The following FERRY3 variants were observed in gnomAD, a reference collection of about 807,000 sequenced individuals.
FERRY3 encodes the protein protein C12orf4.
At chr12:4,535,995 T>C in the FERRY3 span, 115 of 1,175,376 alleles carry the variant, frequency 9.8e-5, 1 homozygote, top group South Asian at 1.8e-3. The surrounding 1 kb of genome is among the most constrained non-coding windows in gnomAD (Gnocchi z 4.0). Flanking sequence ...TGGTGTTACT[T>C]AAAAAAAAAA....
At chr12:4,533,984 C>A in the FERRY3 span, 720 of 559,880 alleles carry the variant, frequency 1.3e-3, no homozygotes, top group Non-Finnish European at 1.6e-3. Flanking sequence ...AGCATTTTGT[C>A]TTATGTGCTC....
At chr12:4,532,519 T>C in the FERRY3 span, among the ~76,000 whole-genome samples, 1 of 152,172 alleles carries the variant, frequency 6.6e-6, no homozygotes, top group Non-Finnish European at 1.5e-5. Flanking sequence ...TAGTCATCGT[T>C]TACCTGCAAC....
At chr12:4,511,308 A>G in the FERRY3 span, among the ~76,000 whole-genome samples, 1 of 151,456 alleles carries the variant, frequency 6.6e-6, no homozygotes, top group South Asian at 2.1e-4. Context: ...TTAACACCCC[A>G]CTGTCAACAT....
At chr12:4,533,406 G>T in the FERRY3 span, among the ~76,000 whole-genome samples, 29,120 of 152,030 alleles carry the variant, frequency 0.19, 4,343 homozygotes, top group African/African-American at 0.41. Context: ...ACTCCCACAT[G>T]CTTAGAGTCA....
At chr12:4,500,113 T>C in the FERRY3 span, 1 of 1,574,620 alleles carries the variant, frequency 6.4e-7, no homozygotes, top group Non-Finnish European at 8.7e-7. Context: ...AATCATAAAA[T>C]TACAGGATTT....
chr12:4,524,796 T>C, the FERRY3 span: 1 of 152,552 alleles, frequency 6.6e-6, no homozygotes, highest in Admixed American at 6.5e-5. Flanking sequence ...AAATCCTCCA[T>C]GCTATTTCTG....
chr12:4,523,968 T>A, the FERRY3 span, among the ~76,000 whole-genome samples: 637 of 150,710 alleles, frequency 4.2e-3, 3 homozygotes, highest in African/African-American at 0.014. Context: ...TAAAAAAATT[T>A]AAAAAAAAAG....
At chr12:4,493,988 G>A in the FERRY3 span, among the ~76,000 whole-genome samples, 5 of 152,146 alleles carry the variant, frequency 3.3e-5, no homozygotes, top group Admixed American at 1.3e-4. Context: ...AGCTACTTGG[G>A]AGGATGAGGC....
chr12:4,528,545 T>A, the FERRY3 span, among the ~76,000 whole-genome samples: 4 of 152,030 alleles, frequency 2.6e-5, no homozygotes, highest in Non-Finnish European at 5.9e-5. Flanking sequence ...CTATAAACAG[T>A]GACAAATATC....
chr12:4,517,009 A>G, the FERRY3 span: 10 of 1,295,360 alleles, frequency 7.7e-6, no homozygotes, highest in Non-Finnish European at 9.1e-6. Flanking sequence ...ACTGATCCAC[A>G]TACTATTACA....
the FERRY3 span, among the ~76,000 whole-genome samples, chr12:4,510,796 A>C: frequency 1.4e-5 from 2 of 147,860 alleles, no homozygotes; most frequent in Non-Finnish European, 3.0e-5. Flanking sequence ...AAATCATGCC[A>C]AAATGTAAAG....
At chr12:4,515,624 G>A in the FERRY3 span, among the ~76,000 whole-genome samples, 1 of 152,108 alleles carries the variant, frequency 6.6e-6, no homozygotes, top group Non-Finnish European at 1.5e-5. Context: ...CACACTGATA[G>A]AGTAGAAGGT....
the FERRY3 span, chr12:4,491,082 G>C: frequency 9.3e-7 from 1 of 1,075,320 alleles, no homozygotes; most frequent in Admixed American, 1.8e-5. Flanking sequence ...CTAGATTACA[G>C]GGGTATCTTT....
the FERRY3 span, among the ~76,000 whole-genome samples, chr12:4,519,475 C>T: frequency 8.5e-5 from 13 of 152,298 alleles, no homozygotes; most frequent in Admixed American, 3.9e-4. The surrounding 1 kb of genome is among the most constrained non-coding windows in gnomAD (Gnocchi z 4.3). Context: ...GAGCAATAAC[C>T]GTATCACCGT....
the FERRY3 span, among the ~76,000 whole-genome samples, chr12:4,506,978 C>A: frequency 6.6e-6 from 1 of 152,158 alleles, no homozygotes; most frequent in Admixed American, 6.6e-5. Flanking sequence ...AACCTACTTG[C>A]ATCACTGACT....
the FERRY3 span, among the ~76,000 whole-genome samples, chr12:4,536,848 A>C: frequency 6.6e-6 from 1 of 152,254 alleles, no homozygotes; most frequent in Non-Finnish European, 1.5e-5. Context: ...TTTATTCATC[A>C]GCCTTGTAAC....
At chr12:4,520,920 G>A in the FERRY3 span, among the ~76,000 whole-genome samples, 2 of 151,580 alleles carry the variant, frequency 1.3e-5, no homozygotes. Context: ...ACGCAAAGGG[G>A]AAAAAAAAGG....
chr12:4,523,977 A>G, the FERRY3 span, among the ~76,000 whole-genome samples: 242 of 152,326 alleles, frequency 1.6e-3, no homozygotes, highest in African/African-American at 5.5e-3. Flanking sequence ...TTAAAAAAAA[A>G]GAAATTGATT....
the FERRY3 span, among the ~76,000 whole-genome samples, chr12:4,508,018 T>A: frequency 1.3e-5 from 2 of 152,202 alleles, no homozygotes; most frequent in African/African-American, 4.8e-5. Flanking sequence ...GTGTTTTACC[T>A]ATTTAAAAAA....
Sources: gnomAD v4.1 joint callset for allele counts (sites outside exome capture counted in the v4.1 genomes callset) on GRCh38, gnomAD v4.1.1 for gene constraint, Gnocchi (gnomAD v3.1) non-coding constraint, MANE v1.5 for transcripts, NCBI Gene and HGNC (gene_info 2026-07-23, HGNC 2026-07-21) for gene names.